ECRG4: variants seen among roughly 807,000 people sequenced by gnomAD.
ECRG4 encodes the protein augurin.
A neutral mutation model predicts 15.8 loss-of-function variants in ECRG4; 18 were observed. The observed-to-expected ratio is 1.14, with a 90% CI of 0.79 to 1.69. ECRG4 has a LOEUF of 1.69. Among genes scored for constraint, ECRG4 ranks in the 40% most tolerant of loss-of-function variants. The pLI, the probability that ECRG4 is intolerant of heterozygous loss-of-function variation, is 0.00. For missense variants in ECRG4, 200 were observed against 190.9 expected, an observed-to-expected ratio of 1.05 and a Z score of -0.28; for synonymous variants, 82 against 73.9, an observed-to-expected ratio of 1.11 and a Z score of -0.56.
Position 106,074,693 on chromosome 2 carries a change from T to A in ECRG4, c.285+650T>A, listed in dbSNP as rs149140140. The stretch of plus-strand genomic sequence containing the variant: ...AGTCATAGATGCTGCCGCATGGGCA[T>A]CCATCCATGGTGACTGAGGAGGCTG... On this transcript the variant is annotated intron_variant, in intron 3 of 3. Coordinates refer to ENST00000238044, the MANE Select transcript of ECRG4 (RefSeq NM_032411.3). Among the ~76,000 whole-genome samples, 194 of 152,330 alleles carry A rather than the reference T, an allele frequency of 1.3e-3. No homozygotes were observed. In the Middle Eastern group the frequency reaches 0.037, roughly 29 times the overall value.
At chr2:106,069,669 A>G (rs1676319708) in intron 1 of ECRG4, among the ~76,000 whole-genome samples, 1 of 152,088 alleles carries the variant, frequency 6.6e-6, no homozygotes, top group African/African-American at 2.4e-5. Flanking sequence ...AAACACCTAA[A>G]TTCCTTTAAT....
chr2:106,074,988 A>G, intron 3 of ECRG4, among the ~76,000 whole-genome samples: 1 of 152,250 alleles, frequency 6.6e-6, no homozygotes, highest in Middle Eastern at 3.4e-3. Context: ...CATTGGACAT[A>G]TTACTTGTTC....
intron 2 of ECRG4, among the ~76,000 whole-genome samples, chr2:106,072,787 C>T (rs140933188): frequency 0.022 from 3,394 of 152,282 alleles, 132 homozygotes; most frequent in African/African-American, 0.075. Context: ...GCTCAGAGGG[C>T]CCCCTCCCTG....
upstream of ECRG4, among the ~76,000 whole-genome samples, chr2:106,065,468 C>T (rs536152825): frequency 1.8e-3 from 278 of 152,280 alleles, no homozygotes; most frequent in African/African-American, 5.7e-3. Context: ...GGCCACGCGG[C>T]CCCCGCCGCC....
intron 2 of ECRG4, among the ~76,000 whole-genome samples, chr2:106,072,874 G>C (rs1676401686): frequency 6.6e-6 from 1 of 152,212 alleles, no homozygotes; most frequent in African/African-American, 2.4e-5. Context: ...GTTTGTCATA[G>C]GTGAGCAAGC....
chr2:106,074,690 G>C (rs957429172), intron 3 of ECRG4, among the ~76,000 whole-genome samples: 48 of 152,348 alleles, frequency 3.2e-4, no homozygotes, highest in African/African-American at 1.2e-3. Context: ...TGCCGCATGG[G>C]CATCCATCCA....
intron 1 of ECRG4, among the ~76,000 whole-genome samples, chr2:106,068,022 T>A (rs1415186278): frequency 2.0e-5 from 3 of 151,722 alleles, no homozygotes; most frequent in Non-Finnish European, 4.4e-5. Flanking sequence ...TTCTTTTAAT[T>A]TTTAGTAGAG....
chr2:106,074,782 G>A (rs1473341401), intron 3 of ECRG4, among the ~76,000 whole-genome samples: 1 of 152,206 alleles, frequency 6.6e-6, no homozygotes, highest in Non-Finnish European at 1.5e-5. Context: ...GGGAGCAGAT[G>A]GGCTTTTCAT....
chr2:106,077,629 C>T lies in ECRG4; in HGVS notation c.286-136C>T, dbSNP rs573569347. On this transcript the variant is annotated intron_variant, in intron 3 of 3. Transcript: ENST00000238044. The stretch of plus-strand genomic sequence containing the variant: ...GTTTTGGCCTCTGAGCACAAGAATA[C>T]GGTAACAGGGAGTTACTAAGGGTTG... The T allele has an allele frequency of 2.0e-4, 146 of 738,902 alleles. 2 individuals are homozygous for T. Among genetic ancestry groups the T allele is most frequent in the Non-Finnish European group, 3.9e-5 (18 of 456,842 alleles). The allele number at this position is 738,902 out of a possible 1,614,324, so 45.8% of individuals were successfully genotyped here. A position where few individuals can be genotyped will look rare whatever the true frequency, so the allele number is the denominator to read the frequency against.
intron 1 of ECRG4, among the ~76,000 whole-genome samples, chr2:106,069,269 CTT>C (rs1676303928): frequency 1.1e-5 from 1 of 87,674 alleles, no homozygotes; most frequent in Non-Finnish European, 2.6e-5. Flanking sequence ...TTTCCTTTTT[CTT>C]TCTTTCTTTT....
chr2:106,069,120 TCTTC>T (rs967141019), intron 1 of ECRG4, among the ~76,000 whole-genome samples: 20 of 148,030 alleles, frequency 1.4e-4, no homozygotes, highest in East Asian at 9.8e-4. Flanking sequence ...TCTTTTTCTT[TCTTC>T]CTTTCTCTTT....
At chr2:106,071,319 C>A (rs1441753661) in intron 1 of ECRG4, among the ~76,000 whole-genome samples, 1 of 34,368 alleles carries the variant, frequency 2.9e-5, no homozygotes, top group African/African-American at 1.5e-4. Context: ...ATGGGTAAGG[C>A]TGTAAAAAAA....
At position 106,077,913 on chromosome 2, in the gene ECRG4, A is replaced by G. The variant is rs370404898; in HGVS notation, c.434A>G (p.Tyr145Cys). The change falls in exon 4 of 4, where the codon TAC becomes TGC. Residue 145 changes from tyrosine (Y) to cysteine (C), a missense_variant. Transcript: ENST00000238044. Reference protein sequence around the residue: ...YGFRHGASVNYDDY With the variant: ...YGFRHGASVNCDDY The stretch of plus-strand genomic sequence containing the variant: ...TTTAGGCATGGAGCCAGCGTCAACT[A>G]CGATGACTACTAACCATGACTTGCC... The G allele has an allele frequency of 6.2e-7, 1 of 1,614,024 alleles. No individual in the cohort carries two copies. Among genetic ancestry groups the G allele is most frequent in the Non-Finnish European group, 8.5e-7 (1 of 1,179,994 alleles).
At chr2:106,070,948 T>C (rs1676351872) in intron 1 of ECRG4, 3 of 471,204 alleles carry the variant, frequency 6.4e-6, no homozygotes, top group Admixed American at 2.3e-5. Flanking sequence ...CAGAGGCTCC[T>C]ATAGGTCTGC....
intron 3 of ECRG4, among the ~76,000 whole-genome samples, chr2:106,077,014 A>G (rs191828412): frequency 6.6e-6 from 1 of 152,146 alleles, no homozygotes; most frequent in East Asian, 1.9e-4. Context: ...CCAAACCAAA[A>G]CCTGACCATC....
chr2:106,066,121 G>A (rs1454191083), intron 1 of ECRG4, among the ~76,000 whole-genome samples: 4 of 152,226 alleles, frequency 2.6e-5, no homozygotes, highest in Non-Finnish European at 5.9e-5. Context: ...CCAGGCGTCC[G>A]AAGGGTGGGC....
chr2:106,072,380 G>A (rs113487534), intron 2 of ECRG4: 3,012 of 153,806 alleles, frequency 0.02, 106 homozygotes, highest in African/African-American at 0.066. Flanking sequence ...AAATGTCATA[G>A]AAATTGAACA....
At chr2:106,076,517 T>A (rs974347313) in intron 3 of ECRG4, among the ~76,000 whole-genome samples, 1 of 152,000 alleles carries the variant, frequency 6.6e-6, no homozygotes, top group Non-Finnish European at 1.5e-5. Context: ...CAGTGAGAAA[T>A]TGGAATCATG....
intron 3 of ECRG4, 106 bp downstream of exon 3, chr2:106,074,149 T>C (rs1006582012): frequency 1.5e-6 from 2 of 1,346,644 alleles, no homozygotes; most frequent in Non-Finnish European, 2.1e-6. Context: ...TTGCTGTTCA[T>C]TCCTAGAGTA....
Sources: gnomAD v4.1 joint callset for allele counts (sites outside exome capture counted in the v4.1 genomes callset) on GRCh38, gnomAD v4.1.1 for gene constraint, MANE v1.5 for transcripts, NCBI Gene and HGNC (gene_info 2026-07-23, HGNC 2026-07-21) for gene names.